The following ITPR2 variants were observed in gnomAD, a reference collection of about 807,000 sequenced individuals.
ITPR2 encodes inositol 1,4,5-trisphosphate receptor type 2.
Under a neutral mutation model 317.1 loss-of-function variants are expected in ITPR2, and 207 were observed. The ratio of observed to expected loss-of-function variants is 0.65; its 90% CI spans 0.58 to 0.73. The LOEUF is 0.73. Among genes scored for constraint, ITPR2 ranks in the 30% least tolerant of loss-of-function variants. ITPR2 has a pLI of 0.00. For missense variants in ITPR2, 2,613 were observed against 3,284.0 expected, an observed-to-expected ratio of 0.80 and a Z score of 4.99; for synonymous variants, 1,156 against 1,149.1, an observed-to-expected ratio of 1.01 and a Z score of -0.12.
chr12:26,600,960 C>T (rs139478611), intron 28 of ITPR2, among the ~76,000 whole-genome samples: 338 of 152,182 alleles, frequency 2.2e-3, no homozygotes, highest in African/African-American at 7.7e-3. Context: ...ATTTTCTCCT[C>T]CTTTTTGTCC....
intron 45 of ITPR2, among the ~76,000 whole-genome samples, chr12:26,455,372 G>T (rs1941856961): frequency 8.9e-6 from 1 of 112,020 alleles, no homozygotes; most frequent in Non-Finnish European, 1.7e-5. Context: ...AAAAAAAAAG[G>T]TCAGCTTTTG....
intron 1 of ITPR2, among the ~76,000 whole-genome samples, chr12:26,824,530 G>A (rs1013894333): frequency 1.3e-5 from 2 of 152,166 alleles, no homozygotes; most frequent in African/African-American, 4.8e-5. Flanking sequence ...TCAGTTTGTG[G>A]TTTTCCTCCA....
chr12:26,412,438 G>A (rs529634971), intron 51 of ITPR2, among the ~76,000 whole-genome samples: 42 of 152,250 alleles, frequency 2.8e-4, no homozygotes, highest in African/African-American at 9.4e-4. Context: ...GAGGGTGTGC[G>A]GGTGTGGGGG....
intron 51 of ITPR2, 69 bp downstream of exon 51, chr12:26,415,234 C>A: frequency 1.0e-6 from 1 of 987,382 alleles, no homozygotes. Flanking sequence ...TATCTATGAT[C>A]CTGTTAACAA....
chr12:26,796,419 C>T (rs970532462), intron 1 of ITPR2, among the ~76,000 whole-genome samples: 1 of 152,036 alleles, frequency 6.6e-6, no homozygotes, highest in Non-Finnish European at 1.5e-5. Flanking sequence ...TACTACATAT[C>T]CAACAAATTG....
intron 2 of ITPR2, among the ~76,000 whole-genome samples, chr12:26,735,736 T>C (rs1319843275): frequency 6.6e-6 from 1 of 152,234 alleles, no homozygotes; most frequent in Non-Finnish European, 1.5e-5. Flanking sequence ...ACTTCAAATT[T>C]ATATAAACAT....
intron 13 of ITPR2, among the ~76,000 whole-genome samples, chr12:26,676,306 G>C (rs560712108): frequency 6.6e-6 from 1 of 151,842 alleles, no homozygotes; most frequent in African/African-American, 2.4e-5. Flanking sequence ...GTGAAACCCT[G>C]TATCTACTAA....
chr12:26,507,319 G>A (rs950396831), intron 37 of ITPR2, among the ~76,000 whole-genome samples: 6 of 152,178 alleles, frequency 3.9e-5, no homozygotes, highest in Non-Finnish European at 7.3e-5. Flanking sequence ...AGATGCCTGA[G>A]CTAATTAAAG....
Position 26,807,221 on chromosome 12 carries a change from C to T in ITPR2, c.93-16994G>A, listed in dbSNP as rs113406896. Among the ~76,000 whole-genome samples, 1,163 of 150,788 alleles carry T rather than the reference C, an allele frequency of 7.7e-3. 18 individuals carry two copies. Among genetic ancestry groups the T allele is most frequent in the African/African-American group, 0.027 (1,102 of 41,334 alleles). On this transcript the variant is annotated intron_variant, in intron 1 of 56. Transcript: ENST00000381340. Reference sequence around the variant, plus strand: ...ACAAAAAAGAAGATATATATATATTCATTGTTCGAAAATCCATGTTAAATG... The same window carrying T: ...ACAAAAAAGAAGATATATATATATTTATTGTTCGAAAATCCATGTTAAATG...
At chr12:26,675,975 T>C (rs1947898436) in intron 13 of ITPR2, among the ~76,000 whole-genome samples, 1 of 151,606 alleles carries the variant, frequency 6.6e-6, no homozygotes, top group African/African-American at 2.4e-5. Flanking sequence ...CTGGCCAACA[T>C]GGTGAAACCC....
intron 2 of ITPR2, among the ~76,000 whole-genome samples, chr12:26,777,467 G>A (rs1028756318): frequency 6.6e-6 from 1 of 152,206 alleles, no homozygotes; most frequent in Non-Finnish European, 1.5e-5. Context: ...ATCCCAAGGT[G>A]GTAGGGGCCA....
chr12:26,472,804 C>T (rs899752576), intron 45 of ITPR2, among the ~76,000 whole-genome samples: 3 of 151,776 alleles, frequency 2.0e-5, no homozygotes, highest in East Asian at 1.9e-4. Context: ...CATTCTTTAC[C>T]CTCTTTGTCC....
At chr12:26,698,519 T>C (rs1348305248) in intron 9 of ITPR2, among the ~76,000 whole-genome samples, 2 of 152,142 alleles carry the variant, frequency 1.3e-5, no homozygotes, top group African/African-American at 2.4e-5. Flanking sequence ...AACTACATTA[T>C]GGTGAAACAA....
At chr12:26,725,834 C>T (rs1948910573) in intron 2 of ITPR2, 69 bp from the exon 3 acceptor site, 2 of 1,021,740 alleles carry the variant, frequency 2.0e-6, no homozygotes, top group Admixed American at 3.8e-5. Flanking sequence ...TCCCTTATAG[C>T]TCAGCTTTTG....
intron 21 of ITPR2, among the ~76,000 whole-genome samples, chr12:26,642,320 T>C (rs1008726471): frequency 1.3e-5 from 2 of 152,216 alleles, no homozygotes; most frequent in Admixed American, 1.3e-4. Flanking sequence ...TCTCCAATGT[T>C]GTGAAGTTGG....
intron 41 of ITPR2, among the ~76,000 whole-genome samples, chr12:26,485,551 G>A (rs78104896): frequency 0.038 from 5,733 of 152,266 alleles, 116 homozygotes; most frequent in Middle Eastern, 0.11. Context: ...GCAATCCTAA[G>A]TTCATTTATC....
intron 22 of ITPR2, among the ~76,000 whole-genome samples, chr12:26,631,652 T>C (rs1946754182): frequency 6.6e-6 from 1 of 152,148 alleles, no homozygotes. Flanking sequence ...GATATGATCA[T>C]TAGTATATTT....
intron 21 of ITPR2, among the ~76,000 whole-genome samples, chr12:26,640,066 T>C (rs1398314452): frequency 2.0e-5 from 3 of 152,200 alleles, no homozygotes; most frequent in East Asian, 1.9e-4. Context: ...AGCCTTATCA[T>C]AGGTCACCAG....
At chr12:26,661,300 G>T (rs2136915958) in intron 15 of ITPR2, among the ~76,000 whole-genome samples, 1 of 130,232 alleles carries the variant, frequency 7.7e-6, no homozygotes, top group South Asian at 2.8e-4. Flanking sequence ...GGGAGGGAAC[G>T]GGCACGTGCA....
Sources: gnomAD v4.1 joint callset for allele counts (sites outside exome capture counted in the v4.1 genomes callset) on GRCh38, gnomAD v4.1.1 for gene constraint, MANE v1.5 for transcripts, NCBI Gene and HGNC (gene_info 2026-07-23, HGNC 2026-07-21) for gene names.